The following TTC39B variants were observed in gnomAD, a reference collection of about 807,000 sequenced individuals.
TTC39B encodes the protein tetratricopeptide repeat protein 39B.
TTC39B carries 92 observed loss-of-function variants against 96.6 expected under a neutral mutation model. That is an observed-to-expected ratio of 0.95 (90% CI 0.80 to 1.13). The LOEUF is 1.13. TTC39B is among the 50% of genes most tolerant of loss of function. The pLI is 0.00. For missense variants in TTC39B, 955 were observed against 809.3 expected, an observed-to-expected ratio of 1.18 and a Z score of -2.18; for synonymous variants, 367 against 299.4, an observed-to-expected ratio of 1.23 and a Z score of -2.33.
chr9:15,276,477 T>A (rs1303368482), intron 1 of TTC39B, among the ~76,000 whole-genome samples: 2 of 152,166 alleles, frequency 1.3e-5, no homozygotes, highest in African/African-American at 4.8e-5. Context: ...CCCATCAAGG[T>A]AGTCATGACT....
chr9:15,243,139 A>G lies in TTC39B; in HGVS notation c.276-17127T>C, dbSNP rs532060421. ...CCATCTGTACACCACCTCTTCCTGCACCCAACGCCATGTCAGAAGGAGGAG... is the reference window on the plus strand; with the variant it reads ...CCATCTGTACACCACCTCTTCCTGCGCCCAACGCCATGTCAGAAGGAGGAG... On this transcript the variant is annotated intron_variant, in intron 2 of 19. Coordinates refer to ENST00000512701, the Ensembl canonical transcript of TTC39B. Among the ~76,000 whole-genome samples the G allele has an allele frequency of 5.3e-5, 8 of 152,340 alleles. No homozygotes were observed. The South Asian group carries it at 1.7e-3, about 32-fold the overall frequency.
At chr9:15,173,305 A>G (rs983203415) in intron 19 of TTC39B, among the ~76,000 whole-genome samples, 1 of 152,186 alleles carries the variant, frequency 6.6e-6, no homozygotes, top group Admixed American at 6.5e-5. Context: ...TCACCTATAT[A>G]TAAATATTTT....
chr9:15,187,540 G>T (rs1410134175), intron 14 of TTC39B, among the ~76,000 whole-genome samples: 1 of 152,184 alleles, frequency 6.6e-6, no homozygotes, highest in Non-Finnish European at 1.5e-5. Flanking sequence ...GCTCACTGTA[G>T]CCTCGAACTC....
intron 19 of TTC39B, among the ~76,000 whole-genome samples, chr9:15,174,077 T>G (rs888242646): frequency 3.9e-5 from 6 of 152,136 alleles, no homozygotes; most frequent in Non-Finnish European, 2.9e-5. Flanking sequence ...ACAATATCAT[T>G]TCCCCAAGGA....
Position 15,231,122 on chromosome 9 carries a change from T to A in TTC39B, c.276-5110A>T, listed in dbSNP as rs545265368. On this transcript the variant is annotated intron_variant, in intron 2 of 19. Transcript: ENST00000512701. The stretch of plus-strand genomic sequence containing the variant: ...TTATGTGGTAACTTTATGTTTGACA[T>A]TTTGAAGAACTACTAGACTGTTTTC... Among the ~76,000 whole-genome samples the A allele has an allele frequency of 2.0e-5, 3 of 152,346 alleles. No individual in the cohort carries two copies. The South Asian group carries it at 6.2e-4, about 32-fold the overall frequency.
At chr9:15,239,515 T>C (rs1821943017) in intron 2 of TTC39B, among the ~76,000 whole-genome samples, 1 of 152,174 alleles carries the variant, frequency 6.6e-6, no homozygotes, top group African/African-American at 2.4e-5. Flanking sequence ...AGAACCAACC[T>C]AGGTGTCCAT....
At chr9:15,221,572 GT>G (rs1265047286) in intron 3 of TTC39B, among the ~76,000 whole-genome samples, 1 of 152,052 alleles carries the variant, frequency 6.6e-6, no homozygotes, top group African/African-American at 2.4e-5. Context: ...GGTCTCTTTT[GT>G]TAGAGAATGG....
At position 15,265,157 on chromosome 9, in the gene TTC39B, G is replaced by A. The variant is rs146719531; in HGVS notation, c.275+2757C>T. On this transcript the variant is annotated intron_variant, in intron 2 of 19. Transcript: ENST00000512701. Reference sequence around the variant, plus strand: ...ATTAACTTCAGCTGGGTTGAATTTAGGGCTTTTGTTTATTTCTGTGGTTTG... The same window carrying A: ...ATTAACTTCAGCTGGGTTGAATTTAAGGCTTTTGTTTATTTCTGTGGTTTG... Among the ~76,000 whole-genome samples the A allele has an allele frequency of 2.9e-3, 445 of 152,170 alleles. 2 individuals are homozygous for A. The highest frequency in any genetic ancestry group is 0.01 in the African/African-American group (420 of 41,478).
intron 1 of TTC39B, among the ~76,000 whole-genome samples, chr9:15,268,783 C>T (rs1046705718): frequency 5.3e-5 from 8 of 152,224 alleles, no homozygotes; most frequent in Non-Finnish European, 1.2e-4. Flanking sequence ...TACTCCTGTG[C>T]TTGACACCCT....
At chr9:15,218,632 T>TAAAAAAAAAAAA (rs545882970) in intron 3 of TTC39B, among the ~76,000 whole-genome samples, 3,433 of 105,098 alleles carry the variant, frequency 0.033, 76 homozygotes, top group African/African-American at 0.08. Flanking sequence ...TTAGTCTATT[T>TAAAAAAAAAAAA]TAAATATATA....
chr9:15,177,631 C>T, intron 18 of TTC39B, 66 bp downstream of exon 18: 1 of 1,102,482 alleles, frequency 9.1e-7, no homozygotes, highest in Non-Finnish European at 1.4e-6. Flanking sequence ...TTTTGCATCA[C>T]TTTCTCACAG....
intron 10 of TTC39B, 95 bp downstream of exon 10, chr9:15,191,095 T>C (rs1219374716): frequency 1.2e-6 from 1 of 835,426 alleles, no homozygotes; most frequent in Non-Finnish European, 1.9e-6. Context: ...CCAATAATTA[T>C]CAAGGTAGTT....
chr9:15,280,896 C>A (rs1026247695), intron 1 of TTC39B, among the ~76,000 whole-genome samples: 2 of 152,132 alleles, frequency 1.3e-5, no homozygotes, highest in Non-Finnish European at 1.5e-5. Flanking sequence ...GTCGAGGCAC[C>A]AGCCATTCTT....
At chr9:15,198,461 A>AATATATATATATATATATAT (rs61517681) in intron 8 of TTC39B, among the ~76,000 whole-genome samples, 4 of 117,316 alleles carry the variant, frequency 3.4e-5, no homozygotes, top group African/African-American at 9.4e-5. Flanking sequence ...CGGTCGCAAA[A>AATATATATATATATATATAT]ATATATATAT....
At chr9:15,226,142 T>A in intron 2 of TTC39B, 130 bp from the exon 3 acceptor site, 2 of 688,096 alleles carry the variant, frequency 2.9e-6, no homozygotes, top group Non-Finnish European at 4.5e-6. Flanking sequence ...CTTATCAATT[T>A]TAAAAATCAA....
intron 6 of TTC39B, among the ~76,000 whole-genome samples, chr9:15,206,737 T>G (rs920508214): frequency 4.6e-5 from 7 of 151,148 alleles, no homozygotes; most frequent in African/African-American, 1.5e-4. Flanking sequence ...TAGTCACAAG[T>G]TTATTAGTTT....
chr9:15,232,053 G>C (rs1420264425), intron 2 of TTC39B, among the ~76,000 whole-genome samples: 2 of 152,110 alleles, frequency 1.3e-5, no homozygotes, highest in Non-Finnish European at 2.9e-5. Flanking sequence ...AGGGAATCCA[G>C]TTCTGCCCAG....
At chr9:15,275,316 C>G (rs1050647805) in intron 1 of TTC39B, among the ~76,000 whole-genome samples, 1 of 152,210 alleles carries the variant, frequency 6.6e-6, no homozygotes, top group Non-Finnish European at 1.5e-5. Flanking sequence ...GCTGGGATTA[C>G]AGGCATGAGC....
chr9:15,292,113 G>T (rs975811685), intron 1 of TTC39B, among the ~76,000 whole-genome samples: 1 of 152,172 alleles, frequency 6.6e-6, no homozygotes, highest in Non-Finnish European at 1.5e-5. Context: ...TTACAGACAG[G>T]AAAGAATCAT....
Sources: allele counts gnomAD v4.1 joint callset (sites outside exome capture counted in the v4.1 genomes callset), GRCh38; gene constraint gnomAD v4.1.1; transcripts MANE v1.5; gene names NCBI Gene and HGNC (gene_info 2026-07-23, HGNC 2026-07-21).